RPA3: variants seen among roughly 807,000 people sequenced by gnomAD.
RPA3 encodes replication protein A3, also known as replication protein A 14 kDa subunit.
RPA3 carries 24 observed loss-of-function variants against 13.7 expected under a neutral mutation model. The observed-to-expected ratio is 1.75, with a 90% CI of 1.27 to 2.46. RPA3 has a LOEUF of 2.46. RPA3 is among the 30% of genes most tolerant of loss of function. RPA3 has a pLI of 0.00. For synonymous variants in RPA3, 59 were observed against 51.2 expected (o/e 1.15, Z -0.65); for missense variants, 183 against 151.0 (o/e 1.21, Z -1.11).
At chr7:7,675,762 T>G (rs193053418) in intron 4 of RPA3, among the ~76,000 whole-genome samples, 2 of 152,272 alleles carry the variant, frequency 1.3e-5, no homozygotes, top group Non-Finnish European at 2.9e-5. Flanking sequence ...GAGGAATCAC[T>G]TCCGTCGTAG....
chr7:7,718,100 T>C (rs1563151745), intron 1 of RPA3, among the ~76,000 whole-genome samples: 1 of 152,208 alleles, frequency 6.6e-6, no homozygotes. Flanking sequence ...CACATTGTTG[T>C]ATAATAAGTT....
chr7:7,669,577 C>T (rs1366325684), intron 4 of RPA3, among the ~76,000 whole-genome samples: 1 of 152,142 alleles, frequency 6.6e-6, no homozygotes, highest in Non-Finnish European at 1.5e-5. Flanking sequence ...GTTAGACTGA[C>T]CTTAGGTACC....
At chr7:7,707,284 C>T (rs970890000) in intron 2 of RPA3, among the ~76,000 whole-genome samples, 2 of 152,096 alleles carry the variant, frequency 1.3e-5, no homozygotes, top group Admixed American at 6.6e-5. Context: ...ATGTTATCAC[C>T]AAGTTACTGT....
chr7:7,673,804 A>C (rs895750559), intron 4 of RPA3, among the ~76,000 whole-genome samples: 3 of 152,142 alleles, frequency 2.0e-5, no homozygotes, highest in Non-Finnish European at 4.4e-5. Flanking sequence ...TTGTTTCATA[A>C]ATTAGCATCT....
chr7:7,651,435 T>C (rs2115550579), intron 4 of RPA3, among the ~76,000 whole-genome samples: 1 of 152,308 alleles, frequency 6.6e-6, no homozygotes, highest in Admixed American at 6.5e-5. Context: ...TTTAGGGCTG[T>C]AGGTTTTCAG....
chr7:7,663,117 G>T, intron 4 of RPA3, among the ~76,000 whole-genome samples: 1 of 150,462 alleles, frequency 6.6e-6, no homozygotes. Context: ...CATGTATAAT[G>T]CTCTCAATCT....
chr7:7,665,582 T>C (rs577079351), intron 4 of RPA3, among the ~76,000 whole-genome samples: 1 of 152,204 alleles, frequency 6.6e-6, no homozygotes, highest in Non-Finnish European at 1.5e-5. Context: ...TGAGTTTTGA[T>C]GTGTGCTTAT....
At chr7:7,642,136 T>C (rs1027910531) in intron 4 of RPA3, among the ~76,000 whole-genome samples, 2 of 152,056 alleles carry the variant, frequency 1.3e-5, no homozygotes, top group African/African-American at 4.8e-5. Context: ...TCAATGTCTT[T>C]AATAGCATTT....
At chr7:7,654,902 CA>C (rs71010994) in intron 4 of RPA3, among the ~76,000 whole-genome samples, 28,048 of 139,256 alleles carry the variant, frequency 0.2, 3,191 homozygotes, top group Middle Eastern at 0.34. Flanking sequence ...GACTCTGTCT[CA>C]AAAAAAAAAA....
chr7:7,703,092 G>T (rs911598788), intron 2 of RPA3, among the ~76,000 whole-genome samples: 2 of 152,080 alleles, frequency 1.3e-5, no homozygotes, highest in African/African-American at 4.8e-5. Flanking sequence ...GAACTTCCTT[G>T]CCAAACCTTC....
At chr7:7,658,654 A>G (rs758112090) in intron 4 of RPA3, among the ~76,000 whole-genome samples, 1 of 152,188 alleles carries the variant, frequency 6.6e-6, no homozygotes, top group South Asian at 2.1e-4. Flanking sequence ...CATCCCATTG[A>G]TGAAGCTGAT....
At chr7:7,703,041 C>A (rs1256350525) in intron 2 of RPA3, among the ~76,000 whole-genome samples, 1 of 152,204 alleles carries the variant, frequency 6.6e-6, no homozygotes, top group African/African-American at 2.4e-5. Context: ...TTCAGCTAGT[C>A]TTCTAGTTAG....
chr7:7,717,110 G>A (rs1780934316), intron 1 of RPA3, among the ~76,000 whole-genome samples: 1 of 147,624 alleles, frequency 6.8e-6, no homozygotes, highest in African/African-American at 2.5e-5. Context: ...AGGCTGGAGT[G>A]CAATGGCATG....
rs1256267929 is a variant in RPA3 at position 7,641,070 on chromosome 7, G to C, written c.-652C>G. ...CCCGCCCCCTTGGAGATGGGCAGCGGGGTCATCAGTGATCTTGATCACTTT... is the reference window on the plus strand; with the variant it reads ...CCCGCCCCCTTGGAGATGGGCAGCGCGGTCATCAGTGATCTTGATCACTTT... On this transcript the variant is annotated 5_prime_UTR_variant, in exon 5 of 8. Transcript: ENST00000223129. The C allele has an allele frequency of 6.5e-6, 1 of 152,748 alleles. No homozygotes were observed. Among genetic ancestry groups the C allele is most frequent in the East Asian group, 1.9e-4 (1 of 5,200 alleles). The allele number at this position is 152,748 out of a possible 1,614,324, so 9.5% of individuals were successfully genotyped here. A position where few individuals can be genotyped will look rare whatever the true frequency, so the allele number is the denominator to read the frequency against.
chr7:7,661,776 C>T (rs1785480915), intron 4 of RPA3, among the ~76,000 whole-genome samples: 2 of 152,160 alleles, frequency 1.3e-5, no homozygotes, highest in Admixed American at 1.3e-4. Flanking sequence ...AGTCAGGAGA[C>T]ATGGGTGTCA....
chr7:7,664,442 C>A (rs1044690645), intron 4 of RPA3, among the ~76,000 whole-genome samples: 3 of 152,198 alleles, frequency 2.0e-5, no homozygotes. Flanking sequence ...TGTTTTGCCA[C>A]TCTGAATATG....
At chr7:7,677,392 T>G (rs1440714999) in intron 4 of RPA3, among the ~76,000 whole-genome samples, 1 of 152,136 alleles carries the variant, frequency 6.6e-6, no homozygotes, top group Non-Finnish European at 1.5e-5. Context: ...CCCCATTTTA[T>G]TTCCCTCTTT....
chr7:7,705,201 G>A (rs1272914943), intron 2 of RPA3, among the ~76,000 whole-genome samples: 1 of 152,168 alleles, frequency 6.6e-6, no homozygotes, highest in African/African-American at 2.4e-5. Context: ...GGAATAGGAA[G>A]TGGCATATAA....
chr7:7,697,035 A>G (rs1780337111), intron 2 of RPA3, among the ~76,000 whole-genome samples: 1 of 152,190 alleles, frequency 6.6e-6, no homozygotes, highest in Admixed American at 6.6e-5. Context: ...CTGTCTTAGT[A>G]CACATGCCAA....
Sources: gnomAD v4.1 joint callset for allele counts (sites outside exome capture counted in the v4.1 genomes callset) on GRCh38, gnomAD v4.1.1 for gene constraint, MANE v1.5 for transcripts, NCBI Gene and HGNC (gene_info 2026-07-23, HGNC 2026-07-21) for gene names.